GBP5: variants seen among roughly 807,000 people sequenced by gnomAD.
GBP5 encodes guanylate binding protein 5.
A neutral mutation model predicts 58.2 loss-of-function variants in GBP5; 48 were observed. The observed-to-expected ratio is 0.83, with a 90% CI of 0.65 to 1.05. The LOEUF (loss-of-function observed/expected upper bound fraction) is 1.05. Ranked by LOEUF, GBP5 falls within the 50% of genes least tolerant of loss-of-function variation. The pLI is 0.00. For missense variants in GBP5, 714 were observed against 686.8 expected, an observed-to-expected ratio of 1.04 and a Z score of -0.44; for synonymous variants, 248 against 251.8, an observed-to-expected ratio of 0.98 and a Z score of 0.14.
At chr1:89,267,185 T>G in intron 5 of GBP5, 32 bp from the exon 6 acceptor site, 1 of 1,531,008 alleles carries the variant, frequency 6.5e-7, no homozygotes, top group Non-Finnish European at 8.9e-7. Context: ...CTGGCAGAAA[T>G]AGGACCACAT....
At chr1:89,269,323 A>G in intron 3 of GBP5, 43 bp downstream of exon 3, 1 of 1,586,646 alleles carries the variant, frequency 6.3e-7, no homozygotes, top group Non-Finnish European at 8.6e-7. Context: ...TGACTGTGTG[A>G]ATGGACAGAA....
intron 4 of GBP5, among the ~76,000 whole-genome samples, 169 bp from the exon 5 acceptor site, chr1:89,267,695 A>G (rs989442220): frequency 1.1e-4 from 16 of 152,240 alleles, no homozygotes; most frequent in Non-Finnish European, 1.5e-4. Context: ...ACTCATCCAT[A>G]TCTTATTAAC....
At position 89,256,420 on chromosome 1, in the gene GBP5, C is replaced by A. The variant is rs971309648; in HGVS notation, c.*4284G>T. On this transcript the variant is annotated 3_prime_UTR_variant, in exon 12 of 12. Coordinates refer to ENST00000370459, the MANE Select transcript of GBP5 (RefSeq NM_052942.5). The stretch of plus-strand genomic sequence containing the variant: ...ATACACCTATAGAATTTTAGTAATG[C>A]TGAATGTATGTACCTGGGTTGTTAC... Among the ~76,000 whole-genome samples, 1 of 152,140 alleles carries A rather than the reference C, an allele frequency of 6.6e-6. No homozygotes were observed. The highest frequency in any genetic ancestry group is 2.1e-4 in the South Asian group (1 of 4,828).
At chr1:89,267,369 G>C (rs1557504151) in intron 5 of GBP5, 48 bp downstream of exon 5, 2 of 1,301,512 alleles carry the variant, frequency 1.5e-6, no homozygotes, top group Non-Finnish European at 2.2e-6. Context: ...CTGGTAAATA[G>C]AGGAGTTCTG....
At chr1:89,269,199 C>T (rs905079356) in intron 3 of GBP5, among the ~76,000 whole-genome samples, 167 bp downstream of exon 3, 1 of 151,876 alleles carries the variant, frequency 6.6e-6, no homozygotes, top group African/African-American at 2.4e-5. Flanking sequence ...ATGTCAGGAA[C>T]AGAGAACTGG....
chr1:89,268,975 G>A lies in GBP5; in HGVS notation c.191-119C>T, dbSNP rs1438968731. ...GAGGAGATAGCAGAATGTACAACCAGTATTGATTTGAATGATGATGCAGAA... is the reference window on the plus strand; with the variant it reads ...GAGGAGATAGCAGAATGTACAACCAATATTGATTTGAATGATGATGCAGAA... On this transcript the variant is annotated intron_variant, in intron 3 of 11. Transcript: ENST00000370459. 2 of 983,182 alleles carry A rather than the reference G, an allele frequency of 2.0e-6. 1 individual carries two copies. Among genetic ancestry groups the A allele is most frequent in the South Asian group, 3.1e-5 (2 of 63,520 alleles). The allele number at this position is 983,182 out of a possible 1,614,324, so 60.9% of individuals were successfully genotyped here. A position where few individuals can be genotyped will look rare whatever the true frequency, so the allele number is the denominator to read the frequency against.
In GBP5 at chr1:89,264,802, T is replaced by C. The variant is rs1650143863; in HGVS notation, c.1033A>G (p.Met345Val). 5 of 1,614,162 alleles carry C rather than the reference T, an allele frequency of 3.1e-6. No individual in the cohort carries two copies. Among genetic ancestry groups the C allele is most frequent in the Non-Finnish European group, 4.2e-6 (5 of 1,180,012 alleles). ...TCCAGCAGCTCCTGGAGGGTTTCCA[T>C]GGGCAGCTGCACTTTCTGGCCCATT... ...QQMGQKVQLP[M>V]ETLQELLDLH... Residue 345 changes from methionine to valine, a missense_variant, in exon 8 of 12, where the codon ATG (methionine) becomes GTG (valine). Physicochemically the swap from Met to Val is conservative, Grantham distance 21. Transcript: ENST00000370459.
intron 7 of GBP5, among the ~76,000 whole-genome samples, chr1:89,265,727 CAAAAAAAAA>C (rs10539124): frequency 2.5e-5 from 2 of 80,510 alleles, no homozygotes; most frequent in Non-Finnish European, 4.9e-5. Context: ...GACTCCACCT[CAAAAAAAAA>C]AAAAAAAAAA....
At position 89,263,746 on chromosome 1, in the gene GBP5, T is replaced by C. The variant is rs752318061; in HGVS notation, c.1352A>G (p.Lys451Arg). ...LKAKYYREPRKGIQAEEVLQK... is the reference protein window; with the variant it reads ...LKAKYYREPRRGIQAEEVLQK... ...TAGAACTAGGGATACCTGTATTCCT[T>C]TCCGAGGCTCCCGATAGTACTTTGC... Residue 451 changes from lysine to arginine, a missense_variant, in exon 9 of 12, where the codon AAA (lysine) becomes AGA (arginine). By Grantham distance (26) the Lys-to-Arg change is conservative (BLOSUM62 2). Coordinates refer to ENST00000370459, the MANE Select transcript of GBP5 (RefSeq NM_052942.5). The C allele has an allele frequency of 3.3e-5, 54 of 1,612,260 alleles. No individual in the cohort carries two copies. Among genetic ancestry groups the C allele is most frequent in the Admixed American group, 5.0e-5 (3 of 59,968 alleles).
chr1:89,268,703 G>C, intron 4 of GBP5, 26 bp downstream of exon 4: 1 of 1,611,940 alleles, frequency 6.2e-7, no homozygotes, highest in Non-Finnish European at 8.5e-7. Context: ...GAGATTAGGA[G>C]GTTAAAAAAA....
chr1:89,262,700 G>A lies in GBP5; in HGVS notation c.1448C>T (p.Thr483Met), dbSNP rs1025670059. Residue 483 changes from threonine (T) to methionine (M), a missense_variant, in exon 10 of 12, where the codon ACG (threonine) becomes ATG (methionine). Thr to Met is a moderately conservative substitution (Grantham distance 81). Coordinates refer to ENST00000370459, the MANE Select transcript of GBP5 (RefSeq NM_052942.5). ...CTTCTCACCTTTCTTCTTTTTTTCC[G>A]TCTCTGTGAGAGCCTGGTCAGTCTG... ...ILQTDQALTETEKKKKEAQVK... is the reference protein window; with the variant it reads ...ILQTDQALTEMEKKKKEAQVK... The A allele has an allele frequency of 1.4e-5, 22 of 1,597,042 alleles. No individual in the cohort carries two copies. The highest frequency in any genetic ancestry group is 2.3e-5 in the East Asian group (1 of 44,286).
chr1:89,259,478 T>G lies in GBP5; in HGVS notation c.*1226A>C, dbSNP rs1046506184. 6.6e-6 allele frequency: 1 copy of G among 152,238 alleles called. No individual in the cohort carries two copies. The highest frequency in any genetic ancestry group is 1.5e-5 in the Non-Finnish European group (1 of 68,066). The allele number at this position is 152,238 out of a possible 1,614,324, so 9.4% of individuals were successfully genotyped here. ...CCTCCACCCAGTTGAAAGCTGCACA[T>G]TGTTTCCACTTTACCATTGGTACTT... is the stretch of plus-strand genomic sequence containing the variant. On this transcript the variant is annotated 3_prime_UTR_variant, in exon 12 of 12. Transcript: ENST00000370459.
In GBP5 at chr1:89,266,482, CT is replaced by C. The variant is rs34148688; in HGVS notation, c.731del (p.Lys244SerfsTer13). ...CAGGCAGTGTTTCAAGTTGGGCAAG[CT>C]TTTTTTGGTGAGCAGGTAAGTCAAA... is the stretch of plus-strand genomic sequence containing the variant. The part of the protein sequence containing the change: ...FIFDLPAHQK[K>X]LAQLETLPDD... On this transcript the variant is annotated frameshift_variant, in exon 7 of 12. Transcript: ENST00000370459. LOFTEE classifies it high-confidence loss of function. The C allele has an allele frequency of 4.3e-6, 7 of 1,614,010 alleles. No homozygotes were observed. The African/African-American group carries it at 8.0e-5, about 18-fold the overall frequency.
At chr1:89,270,695 TAG>T (rs1272769324) in intron 2 of GBP5, 58 bp downstream of exon 2, 1 of 152,238 alleles carries the variant, frequency 6.6e-6, no homozygotes, top group Non-Finnish European at 1.5e-5. Flanking sequence ...GCAACAAATT[TAG>T]AGACTCAAAT....
At chr1:89,270,270 G>A (rs753709601) in intron 2 of GBP5, 1 of 151,594 alleles carries the variant, frequency 6.6e-6, no homozygotes, top group Non-Finnish European at 1.5e-5. Flanking sequence ...AGAGTCTCTG[G>A]TTAAAAAAAA....
intron 5 of GBP5, 21 bp from the exon 6 acceptor site, chr1:89,267,174 A>G: frequency 1.3e-6 from 2 of 1,563,506 alleles, no homozygotes; most frequent in South Asian, 2.4e-5. Flanking sequence ...ATTAAAGAAA[A>G]CTGGCAGAAA....
At chr1:89,262,976 G>GCGACCACC in intron 9 of GBP5, 191 bp from the exon 10 acceptor site, 4 of 436,300 alleles carry the variant, frequency 9.2e-6, no homozygotes, top group South Asian at 9.0e-5. Flanking sequence ...AATTGAGACT[G>GCGACCACC]GAGAGGCTTG....
chr1:89,267,042 CAG>C lies in GBP5; in HGVS notation c.538_539del (p.Leu180GlufsTer18), dbSNP rs1557503865. The C allele has an allele frequency of 3.7e-6, 6 of 1,612,510 alleles. No homozygotes were observed. In the Admixed American group the frequency reaches 6.7e-5, roughly 18 times the overall value. On this transcript the variant is annotated frameshift_variant, in exon 6 of 12. Transcript: ENST00000370459. LOFTEE classifies it high-confidence loss of function. ...ASFFPDLVWT[L>X]RDFCLGLEID... ...TTTCCAGGCCTAAGCAGAAATCTCT[CAG>C]AGTCCACACTAAGTCTGGGAAGAAG...
chr1:89,262,670 ACTTTCTTCTCAC>A lies in GBP5; in HGVS notation c.1465+1_1465+12del. 6.5e-7 allele frequency: 1 copy of A among 1,542,628 alleles called. No individual in the cohort carries two copies. Among genetic ancestry groups the A allele is most frequent in the Admixed American group, 1.7e-5 (1 of 59,558 alleles). Reference sequence around the variant, plus strand: ...TTTCTTTCTATCTTGCATAATTTCCACTTTCTTCTCACCTTTCTTCTTTTTTTCCGTCTCTGT... The same window carrying A: ...TTTCTTTCTATCTTGCATAATTTCCACTTTCTTCTTTTTTTCCGTCTCTGT... On this transcript the variant is annotated splice_donor_variant and splice_donor_5th_base_variant and intron_variant, in intron 10 of 11. Transcript: ENST00000370459. LOFTEE classifies it high-confidence loss of function.
Sources: gnomAD v4.1 joint callset for allele counts (sites outside exome capture counted in the v4.1 genomes callset) on GRCh38, gnomAD v4.1.1 for gene constraint, MANE v1.5 for transcripts, NCBI Gene and HGNC (gene_info 2026-07-23, HGNC 2026-07-21) for gene names.